The following MAP4K3 variants were observed in gnomAD, a reference collection of about 807,000 sequenced individuals.
MAP4K3 encodes MAPK/ERK kinase kinase kinase 3.
Under a neutral mutation model 143.5 loss-of-function variants are expected in MAP4K3, and 94 were observed. The observed-to-expected ratio is 0.65, with a 90% CI of 0.55 to 0.78. The LOEUF (loss-of-function observed/expected upper bound fraction) is 0.78, where lower values mean the gene tolerates loss of function less well. Ranked by LOEUF, MAP4K3 falls within the 30% of genes least tolerant of loss-of-function variation. The pLI, the probability that MAP4K3 is intolerant of heterozygous loss-of-function variation, is 0.00. For synonymous variants in MAP4K3, 416 were observed against 347.2 expected, an observed-to-expected ratio of 1.20 and a Z score of -2.20; for missense variants, 1,077 against 1,068.1, an observed-to-expected ratio of 1.01 and a Z score of -0.12.
chr2:39,310,364 C>A (rs1193660008), intron 13 of MAP4K3, among the ~76,000 whole-genome samples: 1 of 152,172 alleles, frequency 6.6e-6, no homozygotes, highest in Non-Finnish European at 1.5e-5. Context: ...TCTTTCCATG[C>A]CTAGTCACTT....
intron 4 of MAP4K3, among the ~76,000 whole-genome samples, chr2:39,338,201 T>C (rs1665034890): frequency 1.3e-5 from 2 of 152,170 alleles, no homozygotes; most frequent in South Asian, 4.1e-4. Flanking sequence ...ATTAATTATA[T>C]TCTCATTTTT....
chr2:39,434,427 G>C (rs940898007), intron 1 of MAP4K3, among the ~76,000 whole-genome samples: 7 of 152,168 alleles, frequency 4.6e-5, no homozygotes, highest in African/African-American at 1.2e-4. Flanking sequence ...GGAAGAGTCT[G>C]GCAGGCAGGG....
rs909518981 is a variant in MAP4K3 at position 39,272,478 on chromosome 2, T to C, written c.1855+4A>G. The C allele has an allele frequency of 1.2e-6, 2 of 1,609,970 alleles. No homozygotes were observed. ...GTAAGGTATTTAAAAACTAATATAC[T>C]TACCAGATATTGATAGCAAGCAATT... is the stretch of plus-strand genomic sequence containing the variant. On this transcript the variant is annotated splice_donor_region_variant and intron_variant, in intron 25 of 33. Coordinates refer to ENST00000263881, the MANE Select transcript of MAP4K3 (RefSeq NM_003618.4).
intron 4 of MAP4K3, among the ~76,000 whole-genome samples, chr2:39,342,790 T>C (rs976902827): frequency 2.0e-5 from 3 of 151,778 alleles, no homozygotes; most frequent in African/African-American, 4.8e-5. Flanking sequence ...TCTCAGAAAA[T>C]AGACATTAAA....
At chr2:39,295,044 A>C (rs1682211096) in intron 16 of MAP4K3, among the ~76,000 whole-genome samples, 1 of 152,192 alleles carries the variant, frequency 6.6e-6, no homozygotes, top group East Asian at 1.9e-4. Context: ...CTTGAAAAAA[A>C]AAAAAGTAAA....
rs1680067245 is a variant in MAP4K3, at chr2:39,249,537, A to C, written c.*1081T>G. 6.6e-6 allele frequency: 1 copy of C among 152,624 alleles called. No individual in the cohort carries two copies. The highest frequency in any genetic ancestry group is 2.4e-5 in the African/African-American group (1 of 41,462). The allele number at this position is 152,624 out of a possible 1,614,324, so 9.5% of individuals were successfully genotyped here. A position where few individuals can be genotyped will look rare whatever the true frequency, so the allele number is the denominator to read the frequency against. ...AACTAAGTTCCTGTGATGTGTAGTA[A>C]CCATTATATTGTTTGTATGAGGTAG... On this transcript the variant is annotated 3_prime_UTR_variant, in exon 34 of 34. Coordinates refer to ENST00000263881, the MANE Select transcript of MAP4K3 (RefSeq NM_003618.4).
intron 1 of MAP4K3, among the ~76,000 whole-genome samples, chr2:39,406,899 T>C (rs1429362884): frequency 1.3e-5 from 2 of 152,192 alleles, no homozygotes; most frequent in African/African-American, 4.8e-5. Context: ...TACTTCTCAA[T>C]TGAGGCTAGC....
intron 18 of MAP4K3, among the ~76,000 whole-genome samples, 165 bp from the exon 19 acceptor site, chr2:39,290,499 A>G (rs1420880729): frequency 1.3e-5 from 2 of 152,182 alleles, no homozygotes; most frequent in African/African-American, 4.8e-5. Context: ...TGCTAGAGGT[A>G]TTATTCAGAA....
At chr2:39,311,024 T>C (rs571626198) in intron 13 of MAP4K3, among the ~76,000 whole-genome samples, 2 of 152,304 alleles carry the variant, frequency 1.3e-5, no homozygotes, top group African/African-American at 4.8e-5. Flanking sequence ...GTGTGTACAA[T>C]CAAGTTCTAA....
chr2:39,395,004 GAGA>G (rs1666765728), intron 1 of MAP4K3, among the ~76,000 whole-genome samples: 1 of 151,724 alleles, frequency 6.6e-6, no homozygotes, highest in South Asian at 2.1e-4. Flanking sequence ...AATGGAACAA[GAGA>G]ATGATTCCAC....
chr2:39,303,721 T>C (rs753109538), intron 15 of MAP4K3, among the ~76,000 whole-genome samples: 4 of 152,094 alleles, frequency 2.6e-5, no homozygotes, highest in Non-Finnish European at 2.9e-5. Flanking sequence ...GTATTTTCAA[T>C]AGAGATGCGG....
intron 28 of MAP4K3, among the ~76,000 whole-genome samples, chr2:39,264,415 A>C (rs1440959361): frequency 1.3e-5 from 2 of 152,222 alleles, no homozygotes; most frequent in Non-Finnish European, 2.9e-5. Flanking sequence ...AACTGATATG[A>C]AAACGAAAAC....
chr2:39,304,624 A>C (rs1682631472), intron 15 of MAP4K3, among the ~76,000 whole-genome samples: 1 of 152,312 alleles, frequency 6.6e-6, no homozygotes, highest in East Asian at 1.9e-4. Flanking sequence ...GCTGGTGGGA[A>C]TGTAAAATGT....
At chr2:39,264,834 C>T (rs1680704778) in intron 28 of MAP4K3, among the ~76,000 whole-genome samples, 1 of 152,088 alleles carries the variant, frequency 6.6e-6, no homozygotes, top group African/African-American at 2.4e-5. Context: ...TTATGGTTAC[C>T]CCTAGTTCTC....
At chr2:39,385,786 C>T (rs944926783) in intron 1 of MAP4K3, among the ~76,000 whole-genome samples, 6 of 151,672 alleles carry the variant, frequency 4.0e-5, no homozygotes, top group Non-Finnish European at 7.4e-5. Context: ...ACTGCCACCA[C>T]ACCCGGCTAA....
At chr2:39,312,561 G>A (rs1682977719) in intron 13 of MAP4K3, among the ~76,000 whole-genome samples, 1 of 152,046 alleles carries the variant, frequency 6.6e-6, no homozygotes, top group Non-Finnish European at 1.5e-5. Context: ...AGCAATAGGA[G>A]GCATAAGGAA....
chr2:39,421,901 C>G (rs1667558680), intron 1 of MAP4K3, among the ~76,000 whole-genome samples: 1 of 152,080 alleles, frequency 6.6e-6, no homozygotes, highest in South Asian at 2.1e-4. Flanking sequence ...TCTATCTCTT[C>G]TAAAAAGCCT....
In MAP4K3 at chr2:39,272,400, C is replaced by T. The variant is rs754218596; in HGVS notation, c.1856G>A (p.Gly619Asp). The change falls in exon 26 of 34, where the codon GGT (glycine) becomes GAT (aspartate). Residue 619 changes from glycine to aspartate, a missense_variant and splice_region_variant. This residue lies in a region of MAP4K3 where 864 missense variants were observed against 801.2 expected (regional missense o/e 1.08). Coordinates refer to ENST00000263881, the MANE Select transcript of MAP4K3 (RefSeq NM_003618.4). ...ATGGGAATAAAGCTGAGAAGCTTTA[C>T]CTATAAAGAAAAACAGATATGACAT... ...VMNNCLLSIS[G>D]KASQLYSHNL... is the part of the protein sequence containing the mutation. The T allele has an allele frequency of 6.2e-7, 1 of 1,607,580 alleles. No homozygotes were observed. Among genetic ancestry groups the T allele is most frequent in the East Asian group, 2.2e-5 (1 of 44,766 alleles).
intron 2 of MAP4K3, among the ~76,000 whole-genome samples, chr2:39,376,591 G>C (rs1666225054): frequency 6.6e-6 from 1 of 152,070 alleles, no homozygotes; most frequent in African/African-American, 2.4e-5. Context: ...CTCAGTGCTG[G>C]GGGCACAAAT....
Sources: allele counts gnomAD v4.1 joint callset (sites outside exome capture counted in the v4.1 genomes callset), GRCh38; gene constraint gnomAD v4.1.1; regional missense constraint gnomAD v4.1.1; transcripts MANE v1.5; gene names NCBI Gene and HGNC (gene_info 2026-07-23, HGNC 2026-07-21).